The following MORC2 variants were observed in gnomAD, a reference collection of about 807,000 sequenced individuals.
MORC2 encodes the protein ATPase MORC2.
In MORC2, 30 loss-of-function variants were observed where a neutral mutation model predicts 136.0. That is an observed-to-expected ratio of 0.22 (90% CI 0.17 to 0.30). MORC2 has a LOEUF of 0.30. Among genes scored for constraint, MORC2 ranks in the 10% least tolerant of loss-of-function variants. The pLI is 1.00. For missense variants in MORC2, 922 were observed against 1,333.1 expected, an observed-to-expected ratio of 0.69 and a Z score of 4.80; for synonymous variants, 439 against 487.0, an observed-to-expected ratio of 0.90 and a Z score of 1.30.
Position 30,934,323 on chromosome 22 carries a change from G to T in MORC2, c.2194-132C>A. On this transcript the variant is annotated intron_variant, in intron 19 of 25. Coordinates refer to ENST00000397641, the MANE Select transcript of MORC2 (RefSeq NM_001303256.3). This position sits in a 1 kb window ranked among gnomAD's most constrained non-coding sequence, Gnocchi z 4.4. ...TGCAATCCCTGCCTGACATTACTTG[G>T]AATGTACACAGGCAACCCACTGGCC... The T allele has an allele frequency of 2.3e-6, 3 of 1,320,602 alleles. No homozygotes were observed. Among genetic ancestry groups the T allele is most frequent in the Non-Finnish European group, 3.1e-6 (3 of 971,164 alleles). The allele number at this position is 1,320,602 out of a possible 1,614,324, so 81.8% of individuals were successfully genotyped here. A position where few individuals can be genotyped will look rare whatever the true frequency, so the allele number is the denominator to read the frequency against.
chr22:30,936,477 G>A (rs893022939), intron 17 of MORC2, 34 bp downstream of exon 17: 1 of 1,612,344 alleles, frequency 6.2e-7, no homozygotes, highest in African/African-American at 1.3e-5. Context: ...CCCTGACACA[G>A]GCTGGCTTTG....
At position 30,934,066 on chromosome 22, in the gene MORC2, C is replaced by T. The variant is rs377574758; in HGVS notation, c.2319G>A (p.Ser773=). The change falls in exon 20 of 26, where the codon TCG becomes TCA. Residue 773 remains serine, a synonymous_variant. Transcript: ENST00000397641. The surrounding 1 kb of genome is among the most constrained non-coding windows in gnomAD (Gnocchi z 4.4). ...RFVVKEEKKD[S]NELSDSAGEE... is the part of the protein sequence containing the mutation. ...CCTCACCTCAACCACTCACCTCATT[C>T]GAGTCCTTCTTTTCCTCCTTCACAA... 105 of 1,613,974 alleles carry T rather than the reference C, an allele frequency of 6.5e-5. No homozygotes were observed. The highest frequency in any genetic ancestry group is 1.5e-4 in the African/African-American group (11 of 74,910).
Position 30,967,920 on chromosome 22 carries a change from GCTAA to G in MORC2, c.-35_-32del. 1 of 1,465,798 alleles carries G rather than the reference GCTAA, an allele frequency of 6.8e-7. No homozygotes were observed. Among genetic ancestry groups the G allele is most frequent in the Non-Finnish European group, 9.3e-7 (1 of 1,069,666 alleles). The allele number at this position is 1,465,798 out of a possible 1,614,324, so 90.8% of individuals were successfully genotyped here. The stretch of plus-strand genomic sequence containing the variant: ...CAATAAGGTCTCCAGCCCTTCACCC[GCTAA>G]CTGGGAAATATAACCTTATAATGAT... On this transcript the variant is annotated 5_prime_UTR_variant, in exon 1 of 26. Coordinates refer to ENST00000397641, the MANE Select transcript of MORC2 (RefSeq NM_001303256.3).
At position 30,967,981 on chromosome 22, in the gene MORC2, TTCAG is replaced by T; in HGVS notation, c.-96_-93del. ...TTCCCAGGATTCTGTCCAGTAAAGC[TTCAG>T]TAAGTCTGTGCTCCTTAATGACAGT... On this transcript the variant is annotated 5_prime_UTR_variant, in exon 1 of 26. Transcript: ENST00000397641. The T allele has an allele frequency of 8.7e-7, 1 of 1,149,166 alleles. No individual in the cohort carries two copies. Among genetic ancestry groups the T allele is most frequent in the Non-Finnish European group, 1.3e-6 (1 of 783,670 alleles). 71.2% of individuals were successfully genotyped at this position (1,149,166 alleles called of 1,614,324 possible).
chr22:30,941,800 A>G lies in MORC2; in HGVS notation c.698+91T>C. The stretch of plus-strand genomic sequence containing the variant: ...CTACCCTACCACAGAACACTGGGCA[A>G]TGAATGTGCTCTCCCCTCTTTCCCT... On this transcript the variant is annotated intron_variant, in intron 8 of 25. Transcript: ENST00000397641. This position sits in a 1 kb window ranked among gnomAD's most constrained non-coding sequence, Gnocchi z 4.6. The G allele has an allele frequency of 7.9e-7, 1 of 1,259,656 alleles. No homozygotes were observed. The highest frequency in any genetic ancestry group is 1.1e-6 in the Non-Finnish European group (1 of 873,900). 78.0% of individuals were successfully genotyped at this position (1,259,656 alleles called of 1,614,324 possible).
intron 1 of MORC2, among the ~76,000 whole-genome samples, chr22:30,966,543 G>C (rs891646792): frequency 1.3e-5 from 2 of 152,308 alleles, no homozygotes; most frequent in African/African-American, 4.8e-5. Flanking sequence ...GGGAGGCCAA[G>C]GTGGGTGGAT....
chr22:30,942,714 A>T (rs1249039844), intron 6 of MORC2, among the ~76,000 whole-genome samples: 2 of 152,278 alleles, frequency 1.3e-5, no homozygotes, highest in Admixed American at 1.3e-4. Flanking sequence ...CATGTACAAA[A>T]ATAACCCAGG....
In MORC2 at chr22:30,934,291, T is replaced by C; in HGVS notation, c.2194-100A>G. 2 of 1,502,696 alleles carry C rather than the reference T, an allele frequency of 1.3e-6. No homozygotes were observed. The highest frequency in any genetic ancestry group is 2.0e-5 in the Admixed American group (1 of 50,556). The allele number at this position is 1,502,696 out of a possible 1,614,324, so 93.1% of individuals were successfully genotyped here. On this transcript the variant is annotated intron_variant, in intron 19 of 25. Transcript: ENST00000397641. This position sits in a 1 kb window ranked among gnomAD's most constrained non-coding sequence, Gnocchi z 4.4. ...AAAGGAGTCGTTCCAAGAGGAGCTG[T>C]ACTCCCTGCAATCCCTGCCTGACAT...
intron 1 of MORC2, among the ~76,000 whole-genome samples, chr22:30,965,865 A>C (rs1457728549): frequency 1.3e-5 from 2 of 152,248 alleles, no homozygotes; most frequent in African/African-American, 4.8e-5. Context: ...TAGACAAGCA[A>C]ATAGGCTCTT....
chr22:30,951,142 GGAA>G (rs1348873983), intron 3 of MORC2, among the ~76,000 whole-genome samples: 1 of 152,212 alleles, frequency 6.6e-6, no homozygotes, highest in Non-Finnish European at 1.5e-5. Flanking sequence ...CTGCCTGATG[GGAA>G]GAAGGAATGG....
At chr22:30,959,244 C>T (rs2041009373) in intron 1 of MORC2, among the ~76,000 whole-genome samples, 2 of 152,140 alleles carry the variant, frequency 1.3e-5, no homozygotes, top group Non-Finnish European at 2.9e-5. Flanking sequence ...GAGGAGATGA[C>T]CACTGGTTCC....
chr22:30,943,154 A>G (rs2040765535), intron 6 of MORC2, among the ~76,000 whole-genome samples: 1 of 152,258 alleles, frequency 6.6e-6, no homozygotes, highest in Non-Finnish European at 1.5e-5. Context: ...TGTTATATGA[A>G]ATAGGATACA....
chr22:30,934,824 G>T lies in MORC2; in HGVS notation c.2150C>A (p.Thr717Asn). ...REVPSPKVIK[T>N]PVVKKTESPI... ...TGACTCTGTCTTCTTCACCACTGGA[G>T]TCTTGATGACTTTGGGAGAAGGAAC... Residue 717 changes from threonine (T) to asparagine (N), a missense_variant, in exon 19 of 26, where the codon ACT (threonine) becomes AAT (asparagine). Physicochemically the swap from Thr to Asn is moderately conservative, Grantham distance 65. Transcript: ENST00000397641. The surrounding 1 kb of genome is among the most constrained non-coding windows in gnomAD (Gnocchi z 4.4). 1.2e-6 allele frequency: 2 copies of T among 1,614,188 alleles called. No individual in the cohort carries two copies. The highest frequency in any genetic ancestry group is 1.7e-6 in the Non-Finnish European group (2 of 1,180,042).
chr22:30,935,153 C>T lies in MORC2; in HGVS notation c.1821G>A (p.Val607=). 1 of 1,612,288 alleles carries T rather than the reference C, an allele frequency of 6.2e-7. No homozygotes were observed. Among genetic ancestry groups the T allele is most frequent in the Non-Finnish European group, 8.5e-7 (1 of 1,179,078 alleles). ...GCGACCGAGGACGCTGAGGTCTACG[C>T]ACAGGTTCCTAAAAAAAGGCCCACA... is the stretch of plus-strand genomic sequence containing the variant. ...VTTRPSTEEP[V]RRPQRPRSPP... Residue 607 remains valine, a synonymous_variant, in exon 19 of 26, where the codon GTG becomes GTA. Transcript: ENST00000397641.
At chr22:30,957,853 T>C (rs1271877115) in intron 2 of MORC2, among the ~76,000 whole-genome samples, 1 of 152,190 alleles carries the variant, frequency 6.6e-6, no homozygotes, top group Non-Finnish European at 1.5e-5. Context: ...TACACAGAGG[T>C]AAAGAGGAAA....
chr22:30,963,255 C>A, intron 1 of MORC2: 1 of 949,300 alleles, frequency 1.1e-6, no homozygotes, highest in South Asian at 4.9e-5. Context: ...GGATTACAGG[C>A]GTGAGCCACA....
chr22:30,937,505 G>T lies in MORC2; in HGVS notation c.1498+78C>A, dbSNP rs1263405930. 5.8e-6 allele frequency: 9 copies of T among 1,562,752 alleles called. No homozygotes were observed. Among genetic ancestry groups the T allele is most frequent in the Non-Finnish European group, 7.8e-6 (9 of 1,155,592 alleles). On this transcript the variant is annotated intron_variant, in intron 15 of 25. Transcript: ENST00000397641. This position sits in a 1 kb window ranked among gnomAD's most constrained non-coding sequence, Gnocchi z 4.7. The stretch of plus-strand genomic sequence containing the variant: ...AGTCCATGAATGTCAGTCAAGTTAG[G>T]AGGCTGGCAGGAAGATAGAGAAAAG...
chr22:30,962,606 A>C (rs934900915), intron 1 of MORC2, among the ~76,000 whole-genome samples: 3 of 151,898 alleles, frequency 2.0e-5, no homozygotes, highest in East Asian at 3.9e-4. Context: ...AAAAAAAAAA[A>C]AAAAACTAAT....
intron 1 of MORC2, chr22:30,967,453 G>A (rs576609112): frequency 5.0e-6 from 5 of 1,009,730 alleles, no homozygotes; most frequent in South Asian, 8.0e-5. Context: ...TGTTTAGGAC[G>A]TTGTCACTAC....
Sources: gnomAD v4.1 joint callset for allele counts (sites outside exome capture counted in the v4.1 genomes callset) on GRCh38, gnomAD v4.1.1 for gene constraint, Gnocchi (gnomAD v3.1) non-coding constraint, MANE v1.5 for transcripts, NCBI Gene and HGNC (gene_info 2026-07-23, HGNC 2026-07-21) for gene names.